NDC1: variants seen among roughly 807,000 people sequenced by gnomAD.
NDC1 encodes the protein NDC1 transmembrane nucleoporin, also known as nucleoporin NDC1.
NDC1 carries 24 observed loss-of-function variants against 89.8 expected under a neutral mutation model. That is an observed-to-expected ratio of 0.27 (90% CI 0.19 to 0.38). The LOEUF is 0.38. Ranked by LOEUF, NDC1 falls within the 10% of genes least tolerant of loss-of-function variation. The pLI is 1.00. For synonymous variants in NDC1, 296 were observed against 284.8 expected (o/e 1.04, Z -0.39); for missense variants, 728 against 797.6 (o/e 0.91, Z 1.05).
At chr1:53,805,497 A>G (rs904968703) in intron 9 of NDC1, among the ~76,000 whole-genome samples, 1 of 152,192 alleles carries the variant, frequency 6.6e-6, no homozygotes, top group African/African-American at 2.4e-5. Flanking sequence ...AGCCTCTTTT[A>G]GCTCTTTTTA....
chr1:53,780,863 C>CTT (rs11289616), intron 16 of NDC1, among the ~76,000 whole-genome samples: 1 of 144,326 alleles, frequency 6.9e-6, no homozygotes, highest in Non-Finnish European at 1.5e-5. Context: ...ATTTTTCTTT[C>CTT]TTTTTTTTTT....
chr1:53,806,408 C>T lies in NDC1; in HGVS notation c.984+17G>A, dbSNP rs994726228. ...TTAGAGAAAACTGTGTGAAGATATG[C>T]AACACAGTTTGGATACCTTTATGAT... On this transcript the variant is annotated intron_variant, in intron 9 of 17. Transcript: ENST00000371429. 2.7e-6 allele frequency: 4 copies of T among 1,466,874 alleles called. No individual in the cohort carries two copies. The highest frequency in any genetic ancestry group is 2.6e-5 in the East Asian group (1 of 38,996). 90.9% of individuals were successfully genotyped at this position (1,466,874 alleles called of 1,614,324 possible). A position where few individuals can be genotyped will look rare whatever the true frequency, so the allele number is the denominator to read the frequency against.
At chr1:53,778,522 G>A (rs1557565196) in intron 16 of NDC1, among the ~76,000 whole-genome samples, 1 of 152,070 alleles carries the variant, frequency 6.6e-6, no homozygotes, top group Non-Finnish European at 1.5e-5. Flanking sequence ...GGAGGCCAAG[G>A]CAGGAGGATC....
intron 16 of NDC1, among the ~76,000 whole-genome samples, chr1:53,783,983 TCAAA>T (rs1647246884): frequency 6.6e-6 from 1 of 152,296 alleles, no homozygotes; most frequent in African/African-American, 2.4e-5. Flanking sequence ...ATGACTATAA[TCAAA>T]CAGATTGCTT....
rs900137840 is a variant in NDC1, at chr1:53,767,064, C to G, written c.*906G>C. 6.6e-6 allele frequency: 1 copy of G among 152,172 alleles called. No individual in the cohort carries two copies. The highest frequency in any genetic ancestry group is 2.1e-4 in the South Asian group (1 of 4,810). The allele number at this position is 152,172 out of a possible 1,614,324, so 9.4% of individuals were successfully genotyped here. A position where few individuals can be genotyped will look rare whatever the true frequency, so the allele number is the denominator to read the frequency against. The stretch of plus-strand genomic sequence containing the variant: ...TACAGAGGCTGCTCCCTTTGAGAGA[C>G]CAGACAAGTTTCACAGAATTTGATC... On this transcript the variant is annotated 3_prime_UTR_variant, in exon 18 of 18. Transcript: ENST00000371429.
Position 53,804,025 on chromosome 1 carries a change from A to G in NDC1, c.985-16T>C. On this transcript the variant is annotated splice_polypyrimidine_tract_variant and intron_variant, in intron 9 of 17. Coordinates refer to ENST00000371429, the MANE Select transcript of NDC1 (RefSeq NM_018087.5). ...AGGCTAAATACTAACAGGGGGAAAA[A>G]ACACATATTATTTAATTTTTTTTAA... is the stretch of plus-strand genomic sequence containing the variant. 6.3e-7 allele frequency: 1 copy of G among 1,587,178 alleles called. No individual in the cohort carries two copies. Among genetic ancestry groups the G allele is most frequent in the East Asian group, 2.2e-5 (1 of 44,740 alleles).
intron 5 of NDC1, among the ~76,000 whole-genome samples, chr1:53,820,703 T>C (rs12757743): frequency 0.016 from 1,909 of 118,984 alleles, 9 homozygotes; most frequent in Non-Finnish European, 0.025. Flanking sequence ...TTCTCTCTCT[T>C]TTTTTTTTTT....
intron 6 of NDC1, among the ~76,000 whole-genome samples, chr1:53,816,484 A>G (rs549822539): frequency 1.0e-3 from 158 of 152,374 alleles, no homozygotes; most frequent in African/African-American, 3.7e-3. Context: ...AAGACCTGAA[A>G]CCATAAAAAT....
At chr1:53,786,138 C>T (rs963813313) in intron 16 of NDC1, among the ~76,000 whole-genome samples, 2 of 152,056 alleles carry the variant, frequency 1.3e-5, no homozygotes, top group Non-Finnish European at 2.9e-5. Flanking sequence ...GTTGCCCAGA[C>T]TGGTCTTGAA....
At chr1:53,819,520 A>C (rs1036954104) in intron 5 of NDC1, among the ~76,000 whole-genome samples, 2 of 152,266 alleles carry the variant, frequency 1.3e-5, no homozygotes, top group Non-Finnish European at 2.9e-5. Flanking sequence ...TGAAGAAAAC[A>C]AGGCACAGAG....
chr1:53,807,979 G>A (rs533468086), intron 7 of NDC1, among the ~76,000 whole-genome samples, 188 bp from the exon 8 acceptor site: 1 of 152,296 alleles, frequency 6.6e-6, no homozygotes, highest in Non-Finnish European at 1.5e-5. Flanking sequence ...GGAGCTTTAA[G>A]GGAAGAACAG....
rs1336592596 is a variant in NDC1 at position 53,767,555 on chromosome 1, T to A, written c.*415A>T. On this transcript the variant is annotated 3_prime_UTR_variant, in exon 18 of 18. Coordinates refer to ENST00000371429, the MANE Select transcript of NDC1 (RefSeq NM_018087.5). ...CTACACTTAAAAAGTTTATGTATTT[T>A]GAGTTTACAAAGAGCTAAACTCTTA... 6.5e-6 allele frequency: 1 copy of A among 153,664 alleles called. No individual in the cohort carries two copies. Among genetic ancestry groups the A allele is most frequent in the Non-Finnish European group, 1.4e-5 (1 of 69,050 alleles). 9.5% of individuals were successfully genotyped at this position (153,664 alleles called of 1,614,324 possible). A position where few individuals can be genotyped will look rare whatever the true frequency, so the allele number is the denominator to read the frequency against.
chr1:53,821,166 G>C (rs1410431094), intron 5 of NDC1, among the ~76,000 whole-genome samples: 3 of 152,066 alleles, frequency 2.0e-5, no homozygotes, highest in Non-Finnish European at 4.4e-5. Flanking sequence ...AGGTGCAGTG[G>C]CTCATGCCTG....
At chr1:53,806,923 T>A (rs574162252) in intron 8 of NDC1, among the ~76,000 whole-genome samples, 4 of 152,302 alleles carry the variant, frequency 2.6e-5, no homozygotes, top group South Asian at 2.1e-4. Flanking sequence ...ATCATTTCTT[T>A]AATATAAATT....
intron 6 of NDC1, among the ~76,000 whole-genome samples, chr1:53,811,000 A>T (rs1648285555): frequency 6.6e-6 from 1 of 152,192 alleles, no homozygotes; most frequent in Admixed American, 6.5e-5. Context: ...CTGAACACAC[A>T]CCCCCACTGG....
intron 5 of NDC1, among the ~76,000 whole-genome samples, chr1:53,821,981 C>CT (rs1233144880): frequency 5.9e-5 from 9 of 152,052 alleles, no homozygotes; most frequent in African/African-American, 2.2e-4. Flanking sequence ...TGTTCCTGTT[C>CT]TTTTTTGGTT....
chr1:53,791,568 T>C (rs1202486849), intron 14 of NDC1, among the ~76,000 whole-genome samples: 1 of 152,166 alleles, frequency 6.6e-6, no homozygotes, highest in Non-Finnish European at 1.5e-5. Context: ...TTTGAACAAA[T>C]GCTGTCTTTG....
chr1:53,822,541 T>A (rs533563216), intron 5 of NDC1, among the ~76,000 whole-genome samples: 55 of 152,000 alleles, frequency 3.6e-4, no homozygotes, highest in Non-Finnish European at 7.8e-4. Context: ...TTAGTGTATA[T>A]CCTTTAACCG....
chr1:53,810,950 T>C lies in NDC1; in HGVS notation c.704-1204A>G, dbSNP rs1005484416. 9.2e-5 allele frequency among the ~76,000 whole-genome samples: 14 copies of C among 152,194 alleles called. No homozygotes were observed. The South Asian group carries it at 2.7e-3, about 29-fold the overall frequency. On this transcript the variant is annotated intron_variant, in intron 6 of 17. Transcript: ENST00000371429. ...CGGGAGACACCCCAAATACTGTGAG[T>C]GCCCCAACTGTGGAAGTGGAAAAGG...
Sources: gnomAD v4.1 joint callset for allele counts (sites outside exome capture counted in the v4.1 genomes callset) on GRCh38, gnomAD v4.1.1 for gene constraint, MANE v1.5 for transcripts, NCBI Gene and HGNC (gene_info 2026-07-23, HGNC 2026-07-21) for gene names.